ZNF93: variants seen among roughly 807,000 people sequenced by gnomAD.
The protein encoded by ZNF93 is zinc finger protein 505.
Under a neutral mutation model 45.0 loss-of-function variants are expected in ZNF93, and 29 were observed. That is an observed-to-expected ratio of 0.64 (90% CI 0.48 to 0.88). The LOEUF (loss-of-function observed/expected upper bound fraction) is 0.88. Among genes scored for constraint, ZNF93 ranks in the 40% least tolerant of loss-of-function variants. The probability of loss-of-function intolerance (pLI) is 0.00; values close to 1 mark genes in which losing one functional copy is unlikely to be tolerated. For missense variants in ZNF93, 578 were observed against 724.0 expected, an observed-to-expected ratio of 0.80 and a Z score of 2.31; for synonymous variants, 223 against 244.6, an observed-to-expected ratio of 0.91 and a Z score of 0.82.
chr19:19,907,219 G>A (rs2122162931), intron 1 of ZNF93, among the ~76,000 whole-genome samples: 1 of 152,004 alleles, frequency 6.6e-6, no homozygotes, highest in South Asian at 2.1e-4. Flanking sequence ...GTCCTTCAAA[G>A]TAGACACAGA....
At chr19:19,920,409 CT>C (rs1283422100) in intron 3 of ZNF93, among the ~76,000 whole-genome samples, 3 of 152,090 alleles carry the variant, frequency 2.0e-5, no homozygotes, top group African/African-American at 7.2e-5. Flanking sequence ...CTAAAATTCT[CT>C]TTTTTTGTTG....
intron 1 of ZNF93, chr19:19,908,122 T>G (rs1228004622): frequency 6.6e-6 from 1 of 152,226 alleles, no homozygotes; most frequent in East Asian, 1.9e-4. Flanking sequence ...TAGTATCTTT[T>G]GTTTCACTAA....
rs1380357266 is a variant in ZNF93 at position 19,927,539 on chromosome 19, A to G, written c.227-5643A>G. On this transcript the variant is annotated intron_variant, in intron 3 of 3. Coordinates refer to ENST00000343769, the MANE Select transcript of ZNF93 (RefSeq NM_031218.4). The stretch of plus-strand genomic sequence containing the variant: ...ACTTTCTGTTTTTATGATTTTGACT[A>G]CTTAAGATATCTCATAAGTGGAATC... Among the ~76,000 whole-genome samples the G allele has an allele frequency of 3.3e-5, 5 of 152,276 alleles. No homozygotes were observed. The East Asian group carries it at 9.6e-4, about 29-fold the overall frequency.
At chr19:19,903,797 G>T (rs181608384) in intron 1 of ZNF93, among the ~76,000 whole-genome samples, 3 of 151,474 alleles carry the variant, frequency 2.0e-5, no homozygotes, top group Admixed American at 2.0e-4. Context: ...CAGGCCAGGC[G>T]CGGTGGCTCA....
At chr19:19,919,728 G>A (rs1437213399) in intron 3 of ZNF93, among the ~76,000 whole-genome samples, 1 of 152,124 alleles carries the variant, frequency 6.6e-6, no homozygotes, top group Non-Finnish European at 1.5e-5. Context: ...GTGAATGGGA[G>A]TTCACTCATG....
At chr19:19,917,102 T>A (rs2063326630) in intron 3 of ZNF93, among the ~76,000 whole-genome samples, 2 of 152,194 alleles carry the variant, frequency 1.3e-5, no homozygotes, top group South Asian at 4.1e-4. Flanking sequence ...GTCCATTCTA[T>A]TTTTATTACT....
intron 3 of ZNF93, among the ~76,000 whole-genome samples, chr19:19,930,936 A>G (rs2063372239): frequency 6.6e-6 from 1 of 151,936 alleles, no homozygotes; most frequent in East Asian, 1.9e-4. Flanking sequence ...GTCTTGTAGA[A>G]GTACTTGATT....
intron 3 of ZNF93, among the ~76,000 whole-genome samples, chr19:19,917,546 T>C (rs965236585): frequency 6.6e-6 from 1 of 152,304 alleles, no homozygotes; most frequent in African/African-American, 2.4e-5. Context: ...TCTGTTTTGG[T>C]AATTTACTAT....
rs984354050 is a variant in ZNF93, at chr19:19,935,131, G to A, written c.*313G>A. The A allele has an allele frequency of 9.4e-5, 29 of 308,728 alleles. No homozygotes were observed. Among genetic ancestry groups the A allele is most frequent in the Non-Finnish European group, 1.7e-4 (29 of 168,418 alleles). The allele number at this position is 308,728 out of a possible 1,614,324, so 19.1% of individuals were successfully genotyped here. On this transcript the variant is annotated 3_prime_UTR_variant, in exon 4 of 4. Transcript: ENST00000343769. ...GAGGAAATGCTCTCTGGTACTCACT[G>A]AAAGCCACACTCATCCACATCCTGA...
At chr19:19,926,131 G>A (rs1373456669) in intron 3 of ZNF93, 3 of 145,440 alleles carry the variant, frequency 2.1e-5, no homozygotes, top group Admixed American at 7.0e-5. Context: ...CCAGGCTAGC[G>A]TGCAGTGGTG....
At chr19:19,920,543 C>T (rs569834901) in intron 3 of ZNF93, among the ~76,000 whole-genome samples, 89 of 152,256 alleles carry the variant, frequency 5.8e-4, no homozygotes, top group Non-Finnish European at 1.0e-3. Flanking sequence ...CTCCTTGTAC[C>T]TCTGGTAGAA....
At chr19:19,911,502 A>C (rs924537748) in intron 1 of ZNF93, among the ~76,000 whole-genome samples, 2 of 152,208 alleles carry the variant, frequency 1.3e-5, no homozygotes, top group Non-Finnish European at 2.9e-5. Flanking sequence ...CTGGAGACCC[A>C]GATAGATAAA....
chr19:19,922,545 T>A (rs2063344953), intron 3 of ZNF93, among the ~76,000 whole-genome samples: 1 of 152,252 alleles, frequency 6.6e-6, no homozygotes, highest in South Asian at 2.1e-4. Flanking sequence ...TCCAGCTTGG[T>A]TCCATTCTCC....
Position 19,933,844 on chromosome 19 carries a change from T to C in ZNF93, c.889T>C (p.Ser297Pro). The C allele has an allele frequency of 4.3e-6, 7 of 1,613,106 alleles. No individual in the cohort carries two copies. Among genetic ancestry groups the C allele is most frequent in the Non-Finnish European group, 5.1e-6 (6 of 1,179,884 alleles). The change falls in exon 4 of 4, where the codon TCC becomes CCC. Residue 297 changes from serine (S) to proline (P), a missense_variant. Physicochemically the swap from Ser to Pro is moderately conservative, Grantham distance 74. This residue lies in a region of ZNF93 where 446 missense variants were observed against 547.6 expected (regional missense o/e 0.81). Transcript: ENST00000343769. Reference protein sequence around the residue: ...CEECGKAFNQSSTLTKHKKIH... With the variant: ...CEECGKAFNQPSTLTKHKKIH... ...AGAATGTGGCAAAGCTTTTAACCAATCCTCAACACTTACTAAACATAAGAA... is the reference window on the plus strand; with the variant it reads ...AGAATGTGGCAAAGCTTTTAACCAACCCTCAACACTTACTAAACATAAGAA...
intron 1 of ZNF93, among the ~76,000 whole-genome samples, chr19:19,902,119 C>T (rs2063274289): frequency 6.6e-6 from 1 of 152,086 alleles, no homozygotes; most frequent in Admixed American, 6.5e-5. Context: ...AAATTTCCTT[C>T]CCTTATGTAA....
At chr19:19,914,782 G>T in intron 1 of ZNF93, 1 of 383,920 alleles carries the variant, frequency 2.6e-6, no homozygotes, top group Non-Finnish European at 5.0e-6. Flanking sequence ...CTGGATGTTT[G>T]ACAAAATATC....
In ZNF93 at chr19:19,933,577, A is replaced by T. The variant is rs2063381671; in HGVS notation, c.622A>T (p.Lys208Ter). Residue 208 changes from lysine (K) to a stop codon, truncating the protein, a stop_gained, in exon 4 of 4, where the codon AAA becomes TAA. Coordinates refer to ENST00000343769, the MANE Select transcript of ZNF93 (RefSeq NM_031218.4). LOFTEE classifies it high-confidence loss of function. ...ACCCTACATTTGTGAAGAATGTGGCAAAGCCTTTAAGTACTCCTCTGCCCT... is the reference window on the plus strand; with the variant it reads ...ACCCTACATTTGTGAAGAATGTGGCTAAGCCTTTAAGTACTCCTCTGCCCT... ...EKPYICEECG[K>*]AFKYSSALNT... The T allele has an allele frequency of 6.2e-7, 1 of 1,608,124 alleles. No homozygotes were observed. Among genetic ancestry groups the T allele is most frequent in the African/African-American group, 1.3e-5 (1 of 74,596 alleles).
chr19:19,933,703 AT>A lies in ZNF93; in HGVS notation c.750del (p.His251IlefsTer134), dbSNP rs757982693. On this transcript the variant is annotated frameshift_variant, in exon 4 of 4. Transcript: ENST00000343769. LOFTEE classifies it high-confidence loss of function. ...CTCAACCCTTAGTAAACATGAGATCATTCATACTGGAAAGAAACCCTACAAG... is the reference window on the plus strand; with the variant it reads ...CTCAACCCTTAGTAAACATGAGATCATCATACTGGAAAGAAACCCTACAAG... ...ASSTLSKHEI[I>X]HTGKKPYKCE... 6.2e-7 allele frequency: 1 copy of A among 1,613,464 alleles called. No individual in the cohort carries two copies. Among genetic ancestry groups the A allele is most frequent in the South Asian group, 1.1e-5 (1 of 91,042 alleles).
intron 3 of ZNF93, among the ~76,000 whole-genome samples, chr19:19,921,373 A>G (rs1329545552): frequency 2.0e-5 from 3 of 152,156 alleles, no homozygotes; most frequent in Non-Finnish European, 4.4e-5. Flanking sequence ...TATGTGGTCA[A>G]TTTTGGAATA....
Sources: gnomAD v4.1 joint callset for allele counts (sites outside exome capture counted in the v4.1 genomes callset) on GRCh38, gnomAD v4.1.1 for gene constraint, gnomAD v4.1.1 regional missense constraint, MANE v1.5 for transcripts, NCBI Gene and HGNC (gene_info 2026-07-23, HGNC 2026-07-21) for gene names.